Variants in RUNX2 observed in about 807,000 individuals in gnomAD.
RUNX2 encodes RUNX family transcription factor 2.
In RUNX2, 10 loss-of-function variants were observed where a neutral mutation model predicts 51.7. The ratio of observed to expected loss-of-function variants is 0.19; its 90% confidence interval spans 0.12 to 0.33. The LOEUF (loss-of-function observed/expected upper bound fraction) is 0.33, where lower values mean the gene tolerates loss of function less well. Among genes scored for constraint, RUNX2 ranks in the 10% least tolerant of loss-of-function variants. The pLI is 1.00. For missense variants in RUNX2, 562 were observed against 691.3 expected (o/e 0.81, Z 2.10); for synonymous variants, 276 against 273.6 (o/e 1.01, Z -0.09).
intron 2 of RUNX2, among the ~76,000 whole-genome samples, chr6:45,333,853 C>G (rs1331633690): frequency 6.6e-6 from 1 of 151,040 alleles, no homozygotes; most frequent in East Asian, 1.9e-4. Context: ...AAAATCATAC[C>G]AAGGGTGACT....
intron 7 of RUNX2, among the ~76,000 whole-genome samples, chr6:45,526,096 GA>G (rs1801669053): frequency 6.6e-6 from 1 of 152,192 alleles, no homozygotes; most frequent in South Asian, 2.1e-4. Flanking sequence ...TAGATGTCAG[GA>G]AAGGTTTTGT....
At chr6:45,498,946 T>C (rs1471525919) in intron 6 of RUNX2, among the ~76,000 whole-genome samples, 1 of 152,132 alleles carries the variant, frequency 6.6e-6, no homozygotes, top group African/African-American at 2.4e-5. Flanking sequence ...GGAGATGAAG[T>C]GGGCCTGGGG....
intron 6 of RUNX2, among the ~76,000 whole-genome samples, chr6:45,511,902 A>G (rs138443836): frequency 1.5e-4 from 23 of 152,382 alleles, no homozygotes; most frequent in Admixed American, 2.6e-4. Context: ...TACAGAAAAT[A>G]AATATAATTC....
intron 7 of RUNX2, among the ~76,000 whole-genome samples, chr6:45,542,578 C>T (rs1802264660): frequency 6.6e-6 from 1 of 152,126 alleles, no homozygotes; most frequent in Admixed American, 6.5e-5. Flanking sequence ...ACTAATTGCC[C>T]ATTATTTAGC....
chr6:45,432,086 C>A, intron 4 of RUNX2, 67 bp downstream of exon 4: 1 of 1,446,118 alleles, frequency 6.9e-7, no homozygotes, highest in Non-Finnish European at 9.6e-7. Flanking sequence ...GAAATGTAGA[C>A]TAGTCTGTAT....
At chr6:45,469,319 A>T (rs992356712) in intron 5 of RUNX2, among the ~76,000 whole-genome samples, 1 of 152,224 alleles carries the variant, frequency 6.6e-6, no homozygotes, top group African/African-American at 2.4e-5. Flanking sequence ...TGAATGGTTA[A>T]TTTTAAAAGA....
intron 2 of RUNX2, among the ~76,000 whole-genome samples, chr6:45,404,259 C>CAAAAAAAAAAAAAAAA (rs34529128): frequency 3.6e-5 from 1 of 27,682 alleles, no homozygotes; most frequent in Non-Finnish European, 6.6e-5. Flanking sequence ...GACTCTGTCT[C>CAAAAAAAAAAAAAAAA]AAAAAAAAAA....
chr6:45,472,111 T>A (rs1261519154), intron 5 of RUNX2, among the ~76,000 whole-genome samples: 2 of 152,222 alleles, frequency 1.3e-5, no homozygotes, highest in African/African-American at 4.8e-5. Flanking sequence ...GGCCATTTTT[T>A]AATTGTTTCT....
chr6:45,533,598 G>A (rs775588665), intron 7 of RUNX2, among the ~76,000 whole-genome samples: 23 of 152,168 alleles, frequency 1.5e-4, no homozygotes, highest in Non-Finnish European at 2.6e-4. Context: ...TCAGAGGAAC[G>A]AGTTACTACA....
chr6:45,378,186 G>A (rs1375915353), intron 2 of RUNX2, among the ~76,000 whole-genome samples: 2 of 152,238 alleles, frequency 1.3e-5, no homozygotes, highest in African/African-American at 2.4e-5. Flanking sequence ...GGCGTTTAGA[G>A]CTGGGGACGC....
intron 5 of RUNX2, among the ~76,000 whole-genome samples, chr6:45,458,322 C>T (rs950510204): frequency 2.6e-5 from 4 of 152,200 alleles, no homozygotes; most frequent in East Asian, 1.9e-4. Flanking sequence ...CCACCGTGCC[C>T]GGCTTGGGGT....
chr6:45,406,686 A>G (rs1797841891), intron 2 of RUNX2, among the ~76,000 whole-genome samples: 1 of 152,160 alleles, frequency 6.6e-6, no homozygotes, highest in East Asian at 1.9e-4. Context: ...GGTTAGCATT[A>G]CATTTAGTTT....
intron 7 of RUNX2, among the ~76,000 whole-genome samples, chr6:45,537,883 T>C (rs1802086262): frequency 6.6e-6 from 1 of 152,196 alleles, no homozygotes; most frequent in South Asian, 2.1e-4. Flanking sequence ...CTCTCCCTGA[T>C]CTGCTGGCAT....
chr6:45,389,336 A>G (rs775760316), intron 2 of RUNX2, among the ~76,000 whole-genome samples: 1 of 152,220 alleles, frequency 6.6e-6, no homozygotes, highest in Non-Finnish European at 1.5e-5. Flanking sequence ...ACGATCTGGG[A>G]GATATCCTTT....
At chr6:45,473,348 G>A (rs1268551585) in intron 5 of RUNX2, among the ~76,000 whole-genome samples, 1 of 151,960 alleles carries the variant, frequency 6.6e-6, no homozygotes, top group African/African-American at 2.4e-5. Context: ...TCCAGTTCGT[G>A]TGTATGTGCG....
At chr6:45,477,159 C>T (rs1799979678) in intron 5 of RUNX2, among the ~76,000 whole-genome samples, 1 of 152,150 alleles carries the variant, frequency 6.6e-6, no homozygotes, top group South Asian at 2.1e-4. Context: ...GTTGTCTCCG[C>T]CACTGGCTCC....
chr6:45,337,442 A>C (rs1788807685), intron 2 of RUNX2, among the ~76,000 whole-genome samples: 1 of 151,818 alleles, frequency 6.6e-6, no homozygotes. Context: ...TACAAGGGTT[A>C]CTCTAAAAAT....
chr6:45,535,529 G>T (rs531539474), intron 7 of RUNX2, among the ~76,000 whole-genome samples: 1 of 151,896 alleles, frequency 6.6e-6, no homozygotes, highest in African/African-American at 2.4e-5. Flanking sequence ...GCGTGAACCC[G>T]GGAGGCAGAG....
intron 7 of RUNX2, among the ~76,000 whole-genome samples, chr6:45,524,842 G>C (rs1040104572): frequency 3.3e-5 from 5 of 152,228 alleles, no homozygotes; most frequent in Non-Finnish European, 7.3e-5. Flanking sequence ...GCTGGGCGCG[G>C]TGGCTCATGC....
Sources: allele counts gnomAD v4.1 joint callset (sites outside exome capture counted in the v4.1 genomes callset), GRCh38; gene constraint gnomAD v4.1.1; transcripts MANE v1.5; gene names NCBI Gene and HGNC (gene_info 2026-07-23, HGNC 2026-07-21).